The following EZH2 variants were observed in gnomAD, a reference collection of about 807,000 sequenced individuals.
The protein encoded by EZH2 is enhancer of zeste 2 polycomb repressive complex 2 subunit.
EZH2 carries 18 observed loss-of-function variants against 98.4 expected under a neutral mutation model. That is an observed-to-expected ratio of 0.18 (90% CI 0.13 to 0.27). EZH2 has a LOEUF of 0.27. Among genes scored for constraint, EZH2 ranks in the 10% least tolerant of loss-of-function variants. The pLI is 1.00. For synonymous variants in EZH2, 338 were observed against 312.3 expected (o/e 1.08, Z -0.87); for missense variants, 470 against 935.1 (o/e 0.50, Z 6.49).
chr7:148,816,921 A>C (rs1360335071), intron 11 of EZH2, 143 bp from the exon 12 acceptor site: 2 of 647,708 alleles, frequency 3.1e-6, no homozygotes, highest in Middle Eastern at 6.7e-4. Flanking sequence ...CGCTGTCCCT[A>C]CCCTCACATT....
chr7:148,819,691 C>A lies in EZH2; in HGVS notation c.908-4G>T, dbSNP rs755585424. On this transcript the variant is annotated splice_polypyrimidine_tract_variant and splice_region_variant and intron_variant, in intron 8 of 19. Coordinates refer to ENST00000320356, the MANE Select transcript of EZH2 (RefSeq NM_004456.5). ...GTGTTGGGTGTTGCATGAAAAGCTG[C>A]AAAATAAATGAAACAAAGAATCTAA... 1 of 1,612,848 alleles carries A rather than the reference C, an allele frequency of 6.2e-7. No homozygotes were observed. The highest frequency in any genetic ancestry group is 1.1e-5 in the South Asian group (1 of 90,930).
At position 148,810,939 on chromosome 7, in the gene EZH2, C is replaced by T. The variant is rs1170947136; in HGVS notation, c.1948-525G>A. ...AAAAAAAAATTTGGGTGAGCTGGTT[C>T]CAAACTGAAGCTAGGCCTATGATTT... On this transcript the variant is annotated intron_variant, in intron 16 of 19. Coordinates refer to ENST00000320356, the MANE Select transcript of EZH2 (RefSeq NM_004456.5). 2.7e-5 allele frequency among the ~76,000 whole-genome samples: 4 copies of T among 150,304 alleles called. No homozygotes were observed. In the East Asian group the frequency reaches 7.8e-4, roughly 29 times the overall value.
chr7:148,834,315 G>T (rs867970602), intron 3 of EZH2, among the ~76,000 whole-genome samples: 1 of 148,318 alleles, frequency 6.7e-6, no homozygotes, highest in Non-Finnish European at 1.5e-5. Flanking sequence ...AAGAAGTGTA[G>T]TAAAATGAAA....
At chr7:148,841,195 C>T (rs565694637) in intron 3 of EZH2, among the ~76,000 whole-genome samples, 7 of 149,072 alleles carry the variant, frequency 4.7e-5, no homozygotes, top group Middle Eastern at 6.8e-3. Context: ...TTTTTTTAAG[C>T]TAACCCTTTG....
chr7:148,827,085 T>C, intron 7 of EZH2, 79 bp downstream of exon 7: 1 of 1,064,318 alleles, frequency 9.4e-7, no homozygotes, highest in East Asian at 2.4e-5. Context: ...TCCGCTACAT[T>C]GATTCCATTT....
chr7:148,858,077 G>A (rs1429865857), intron 1 of EZH2, among the ~76,000 whole-genome samples: 1 of 151,842 alleles, frequency 6.6e-6, no homozygotes, highest in East Asian at 1.9e-4. Flanking sequence ...CAGATCACGA[G>A]GTCAGGAGAT....
chr7:148,845,311 C>G (rs1813708196), intron 3 of EZH2, among the ~76,000 whole-genome samples: 1 of 152,198 alleles, frequency 6.6e-6, no homozygotes, highest in African/African-American at 2.4e-5. Context: ...CAAAAAGAAT[C>G]CCTTTCCCCC....
At position 148,819,632 on chromosome 7, in the gene EZH2, G is replaced by A. The variant is rs762088344; in HGVS notation, c.963C>T (p.Asp321=). 7 of 1,613,984 alleles carry A rather than the reference G, an allele frequency of 4.3e-6. No individual in the cohort carries two copies. Among genetic ancestry groups the A allele is most frequent in the Middle Eastern group, 1.6e-4 (1 of 6,084 alleles). ...YKRKNTETAL[D]NKPCGPQCYQ... ...AACACTGTGGTCCACAAGGTTTGTT[G>A]TCTAGAGCTGTTTCTGTGTTCTTCC... The change falls in exon 9 of 20, where the codon GAC becomes GAT. Residue 321 remains aspartate, a synonymous_variant. Coordinates refer to ENST00000320356, the MANE Select transcript of EZH2 (RefSeq NM_004456.5).
intron 3 of EZH2, among the ~76,000 whole-genome samples, chr7:148,841,110 TAA>T (rs1218220220): frequency 6.6e-6 from 1 of 152,086 alleles, no homozygotes; most frequent in Non-Finnish European, 1.5e-5. Context: ...TAATCAAATT[TAA>T]AATATAAACA....
chr7:148,807,763 G>T, intron 19 of EZH2, 57 bp from the exon 20 acceptor site: 2 of 1,018,212 alleles, frequency 2.0e-6, no homozygotes, highest in Non-Finnish European at 2.7e-6. Context: ...CATGTGCTGA[G>T]ACTTAACACA....
At chr7:148,848,425 A>G (rs1376639029) in intron 1 of EZH2, among the ~76,000 whole-genome samples, 2 of 152,202 alleles carry the variant, frequency 1.3e-5, no homozygotes, top group African/African-American at 2.4e-5. Context: ...AGTGAAGAAG[A>G]AGGTGACTTT....
chr7:148,855,702 A>T (rs1267717420), intron 1 of EZH2, among the ~76,000 whole-genome samples: 1 of 152,092 alleles, frequency 6.6e-6, no homozygotes, highest in African/African-American at 2.4e-5. Flanking sequence ...GTTCAAGACC[A>T]GCCTGCCCAA....
chr7:148,858,324 G>A (rs559520274), intron 1 of EZH2, among the ~76,000 whole-genome samples: 1 of 151,746 alleles, frequency 6.6e-6, no homozygotes, highest in South Asian at 2.1e-4. Context: ...AAGAGAGCTT[G>A]TACTATTATT....
chr7:148,843,572 T>A (rs1252244653), intron 3 of EZH2, among the ~76,000 whole-genome samples: 1 of 143,074 alleles, frequency 7.0e-6, no homozygotes, highest in Non-Finnish European at 1.5e-5. Flanking sequence ...CAACTACAAA[T>A]GGGAGTATAA....
chr7:148,817,063 A>T (rs1804750094), intron 11 of EZH2, 159 bp downstream of exon 11: 1 of 692,908 alleles, frequency 1.4e-6, no homozygotes, highest in African/African-American at 1.8e-5. Flanking sequence ...CCTGGAGAAT[A>T]ATTTTCATTC....
At chr7:148,868,966 A>G (rs1397530426) in intron 1 of EZH2, among the ~76,000 whole-genome samples, 1 of 152,254 alleles carries the variant, frequency 6.6e-6, no homozygotes, top group African/African-American at 2.4e-5. Flanking sequence ...GCAAAGGTAA[A>G]TTCTATAAGA....
At chr7:148,864,864 C>T (rs951314684) in intron 1 of EZH2, among the ~76,000 whole-genome samples, 3 of 151,972 alleles carry the variant, frequency 2.0e-5, no homozygotes, top group African/African-American at 4.8e-5. Context: ...AAGTGGCTCA[C>T]GCCTGTAATC....
intron 15 of EZH2, among the ~76,000 whole-genome samples, chr7:148,812,064 T>C (rs1224982725): frequency 6.6e-6 from 1 of 152,192 alleles, no homozygotes; most frequent in African/African-American, 2.4e-5. Context: ...TAATTCACTT[T>C]CAACCTGAAT....
Position 148,851,162 on chromosome 7 carries a change from G to T in EZH2, c.-7-3857C>A, listed in dbSNP as rs545446786. On this transcript the variant is annotated intron_variant, in intron 1 of 19. Coordinates refer to ENST00000320356, the MANE Select transcript of EZH2 (RefSeq NM_004456.5). The stretch of plus-strand genomic sequence containing the variant: ...GCTTAGCTATAGGTATGAAAAGGAA[G>T]GGTGGCCTATCCATGCTTGAGCCAA... Among the ~76,000 whole-genome samples, 6 of 152,162 alleles carry T rather than the reference G, an allele frequency of 3.9e-5. No individual in the cohort carries two copies. In the South Asian group the frequency reaches 1.2e-3, roughly 32 times the overall value.
Sources: allele counts gnomAD v4.1 joint callset (sites outside exome capture counted in the v4.1 genomes callset), GRCh38; gene constraint gnomAD v4.1.1; transcripts MANE v1.5; gene names NCBI Gene and HGNC (gene_info 2026-07-23, HGNC 2026-07-21).